The following FAM81A variants were observed in gnomAD, a reference collection of about 807,000 sequenced individuals.
FAM81A encodes protein FAM81A.
Under a neutral mutation model 46.7 loss-of-function variants are expected in FAM81A, and 19 were observed. That is an observed-to-expected ratio of 0.41 (90% CI 0.28 to 0.60). FAM81A has a LOEUF of 0.60. FAM81A is among the 20% of genes least tolerant of loss of function. The pLI is 0.34. For synonymous variants in FAM81A, 183 were observed against 152.9 expected (o/e 1.20, Z -1.45); for missense variants, 377 against 453.5 (o/e 0.83, Z 1.53).
At chr15:59,429,950 A>G (rs1480791214) in intron 2 of FAM81A, among the ~76,000 whole-genome samples, 5 of 152,216 alleles carry the variant, frequency 3.3e-5, no homozygotes, top group Non-Finnish European at 7.3e-5. Flanking sequence ...AGTCCAGGCC[A>G]GGTAGTAGGA....
chr15:59,482,846 C>G (rs1174657644), intron 3 of FAM81A, among the ~76,000 whole-genome samples: 1 of 152,200 alleles, frequency 6.6e-6, no homozygotes, highest in Non-Finnish European at 1.5e-5. Context: ...GCCTTCTCAT[C>G]AGTGGGAGAG....
chr15:59,455,793 G>A (rs960597500), intron 1 of FAM81A, among the ~76,000 whole-genome samples: 4 of 152,206 alleles, frequency 2.6e-5, no homozygotes, highest in Non-Finnish European at 5.9e-5. Flanking sequence ...GGCCTTCAGA[G>A]AAGGGGATGC....
At chr15:59,427,164 G>A (rs2081198400) in intron 2 of FAM81A, among the ~76,000 whole-genome samples, 1 of 152,144 alleles carries the variant, frequency 6.6e-6, no homozygotes, top group Non-Finnish European at 1.5e-5. Flanking sequence ...AGGCTGGAGT[G>A]CAGTGGCCTG....
chr15:59,490,977 A>T (rs1209126192), intron 3 of FAM81A, among the ~76,000 whole-genome samples: 1 of 152,244 alleles, frequency 6.6e-6, no homozygotes, highest in Non-Finnish European at 1.5e-5. Context: ...AATGTAAATT[A>T]GTACAACCAC....
intron 6 of FAM81A, 39 bp from the exon 7 acceptor site, chr15:59,514,250 A>G: frequency 6.6e-7 from 1 of 1,508,230 alleles, no homozygotes; most frequent in Non-Finnish European, 8.9e-7. Context: ...AATAAAAAAT[A>G]AACTGTTTTA....
intron 7 of FAM81A, among the ~76,000 whole-genome samples, chr15:59,515,844 T>A (rs1338316319): frequency 6.6e-6 from 1 of 152,182 alleles, no homozygotes; most frequent in Non-Finnish European, 1.5e-5. Context: ...TAGAAACTTA[T>A]TTTTTATTTC....
chr15:59,421,725 GTCTGTCTATCTATCTATCTGTCTATCTA>G (rs1464335331), intron 2 of FAM81A, among the ~76,000 whole-genome samples: 1 of 137,312 alleles, frequency 7.3e-6, no homozygotes, highest in African/African-American at 3.0e-5. Flanking sequence ...CTGTCTGTCT[GTCTGTCTATCTATCTATCTGTCTATCTA>G]TCTATCTATC....
intron 8 of FAM81A, among the ~76,000 whole-genome samples, chr15:59,518,987 C>T (rs1405460547): frequency 6.7e-6 from 1 of 150,176 alleles, no homozygotes; most frequent in South Asian, 2.1e-4. Flanking sequence ...GGCAAGAACA[C>T]CTGAAAATGT....
At chr15:59,486,720 A>G (rs2081921144) in intron 3 of FAM81A, among the ~76,000 whole-genome samples, 1 of 152,160 alleles carries the variant, frequency 6.6e-6, no homozygotes, top group African/African-American at 2.4e-5. Flanking sequence ...GACTTGTGGC[A>G]TGACGTCTTT....
rs1408568164 is a variant in FAM81A, at chr15:59,459,766, T to G, written c.21-167T>G. ...CTGTGGGCATGATTATTTAAAGATC[T>G]TTCCCGGCTTGTGAAGAAAACTTTT... On this transcript the variant is annotated intron_variant, in intron 2 of 8. Coordinates refer to ENST00000288228, the MANE Select transcript of FAM81A (RefSeq NM_152450.3). Among the ~76,000 whole-genome samples the G allele has an allele frequency of 3.3e-5, 5 of 152,196 alleles. No homozygotes were observed. In the South Asian group the frequency reaches 6.2e-4, roughly 19 times the overall value.
At chr15:59,456,762 G>C (rs1417054865) in intron 1 of FAM81A, among the ~76,000 whole-genome samples, 2 of 152,044 alleles carry the variant, frequency 1.3e-5, no homozygotes, top group Non-Finnish European at 2.9e-5. Flanking sequence ...TTTTTGTAGA[G>C]ATGGGATTTC....
chr15:59,428,991 A>G (rs2081208091), intron 2 of FAM81A, among the ~76,000 whole-genome samples: 1 of 152,158 alleles, frequency 6.6e-6, no homozygotes. Context: ...TGGATTCCTG[A>G]GAAAGGGTGC....
intron 4 of FAM81A, among the ~76,000 whole-genome samples, chr15:59,503,196 A>C (rs1012032111): frequency 1.4e-5 from 2 of 144,468 alleles, no homozygotes; most frequent in African/African-American, 5.2e-5. Context: ...AGATCGTGCC[A>C]CTGCACTCCA....
chr15:59,411,513 A>G (rs1309544224), intron 2 of FAM81A, among the ~76,000 whole-genome samples: 1 of 152,238 alleles, frequency 6.6e-6, no homozygotes, highest in Non-Finnish European at 1.5e-5. Flanking sequence ...AACTCAGCAC[A>G]GCTGCACCCA....
At chr15:59,465,144 G>C (rs72749162) in intron 3 of FAM81A, among the ~76,000 whole-genome samples, 2 of 152,076 alleles carry the variant, frequency 1.3e-5, no homozygotes, top group East Asian at 3.8e-4. Context: ...TTAATTTCTA[G>C]GTTCTCTTTT....
At chr15:59,466,060 A>G (rs1450848683) in intron 3 of FAM81A, among the ~76,000 whole-genome samples, 2 of 152,210 alleles carry the variant, frequency 1.3e-5, no homozygotes, top group Admixed American at 1.3e-4. Flanking sequence ...ATAGCTGCAT[A>G]GTATTTCATG....
Position 59,508,937 on chromosome 15 carries a change from C to G in FAM81A, c.618C>G (p.Asp206Glu). Residue 206 changes from aspartate to glutamate, a missense_variant, in exon 6 of 9, where the codon GAC becomes GAG. Asp to Glu is a conservative substitution (Grantham distance 45). Transcript: ENST00000288228. ...QSTKLKMSHR[D>E]SNHQLQLLDT... is the part of the protein sequence containing the mutation. ...CCAAACTGAAGATGTCTCACAGAGA[C>G]AGTAACCACCAGCTTCAGCTTTTGG... 1.2e-6 allele frequency: 2 copies of G among 1,613,092 alleles called. No individual in the cohort carries two copies. The highest frequency in any genetic ancestry group is 1.7e-6 in the Non-Finnish European group (2 of 1,179,352).
At chr15:59,398,759 GAAAAAAA>G (rs71119468) in intron 1 of FAM81A, among the ~76,000 whole-genome samples, 453 of 41,350 alleles carry the variant, frequency 0.011, 1 homozygote, top group African/African-American at 0.045. Context: ...CTCTGTCTCA[GAAAAAAA>G]AAAAAAAAAA....
At chr15:59,437,767 A>G (rs1596469945), upstream of FAM81A, among the ~76,000 whole-genome samples, 9 of 152,278 alleles carry the variant, frequency 5.9e-5, no homozygotes, top group Admixed American at 5.2e-4. Context: ...TTGGGGCTCT[A>G]GAGAGAATTG....
Sources: gnomAD v4.1 joint callset for allele counts (sites outside exome capture counted in the v4.1 genomes callset) on GRCh38, gnomAD v4.1.1 for gene constraint, MANE v1.5 for transcripts, NCBI Gene and HGNC (gene_info 2026-07-23, HGNC 2026-07-21) for gene names.